DENND1A: variants seen among roughly 807,000 people sequenced by gnomAD.
The protein encoded by DENND1A is DENN domain-containing protein 1A.
In DENND1A, 51 loss-of-function variants were observed where a neutral mutation model predicts 113.7. The observed-to-expected ratio is 0.45, with a 90% CI of 0.36 to 0.57. The LOEUF (loss-of-function observed/expected upper bound fraction) is 0.57. Ranked by LOEUF, DENND1A falls within the 20% of genes least tolerant of loss-of-function variation. DENND1A has a pLI of 0.00. For synonymous variants in DENND1A, 565 were observed against 570.8 expected, an observed-to-expected ratio of 0.99 and a Z score of 0.14; for missense variants, 1,258 against 1,395.9, an observed-to-expected ratio of 0.90 and a Z score of 1.57.
chr9:123,620,952 C>A (rs1045152444), intron 10 of DENND1A, among the ~76,000 whole-genome samples: 1 of 152,170 alleles, frequency 6.6e-6, no homozygotes, highest in Admixed American at 6.5e-5. Flanking sequence ...CACCTATCTT[C>A]CTATGCCCAC....
At chr9:123,506,316 G>A (rs1430402199) in intron 13 of DENND1A, among the ~76,000 whole-genome samples, 1 of 152,158 alleles carries the variant, frequency 6.6e-6, no homozygotes, top group Non-Finnish European at 1.5e-5. Flanking sequence ...CCAGGCAGTG[G>A]CTCACGCCTG....
At position 123,381,488 on chromosome 9, in the gene DENND1A, C is replaced by T. The variant is rs1055858477; in HGVS notation, c.3157G>A (p.Ala1053Thr). 1 of 1,613,558 alleles carries T rather than the reference C, an allele frequency of 6.2e-7. No individual in the cohort carries two copies. The highest frequency in any genetic ancestry group is 8.5e-7 in the Non-Finnish European group (1 of 1,179,964). The change falls in exon 24 of 24, where the codon GCC becomes ACC. Residue 1053 changes from alanine to threonine, a missense_variant. Ala to Thr is a moderately conservative substitution (Grantham distance 58). Coordinates refer to ENST00000394215, the MANE Select transcript of DENND1A (RefSeq NM_001352964.2). This position sits in a 1 kb window ranked among gnomAD's most constrained non-coding sequence, Gnocchi z 4.7. ...TGCTCCACCGAGTCTGGGGCCGGGG[C>T]CAGGGCCGGACTCGGGCTCACGTCT... ...KQDVSPSPALAPAPDSVEQLR... is the reference protein window; with the variant it reads ...KQDVSPSPALTPAPDSVEQLR...
intron 5 of DENND1A, among the ~76,000 whole-genome samples, chr9:123,716,423 AG>A (rs1377931868): frequency 1.3e-5 from 2 of 152,134 alleles, no homozygotes; most frequent in Non-Finnish European, 2.9e-5. Flanking sequence ...AGGACGAAGG[AG>A]GGGGGAACCA....
In DENND1A at chr9:123,435,062, T is replaced by C. The variant is rs181265245; in HGVS notation, c.1488+5298A>G. The stretch of plus-strand genomic sequence containing the variant: ...TGGATGGCCAGCCTGTGTCATTCAC[T>C]GGGGTGGAAGATGGAGGAGTGAGTT... On this transcript the variant is annotated intron_variant, in intron 19 of 23. Transcript: ENST00000394215. 4.4e-3 allele frequency among the ~76,000 whole-genome samples: 671 copies of C among 152,158 alleles called. 3 individuals are homozygous for C. The highest frequency in any genetic ancestry group is 7.6e-3 in the Non-Finnish European group (519 of 67,986).
chr9:123,647,617 C>T (rs966999406), intron 9 of DENND1A, among the ~76,000 whole-genome samples: 6 of 152,136 alleles, frequency 3.9e-5, no homozygotes, highest in African/African-American at 9.7e-5. Context: ...AACAAGATAC[C>T]ATTTAGTTTT....
chr9:123,551,152 C>T (rs2057019978), intron 13 of DENND1A, among the ~76,000 whole-genome samples: 1 of 152,208 alleles, frequency 6.6e-6, no homozygotes, highest in African/African-American at 2.4e-5. Flanking sequence ...ATATCTTGGG[C>T]TTTGCATCTG....
chr9:123,842,837 CAATATATT>C (rs1319721034), intron 2 of DENND1A, among the ~76,000 whole-genome samples: 5 of 152,008 alleles, frequency 3.3e-5, no homozygotes, highest in Non-Finnish European at 7.4e-5. Flanking sequence ...CAAAAATACT[CAATATATT>C]AATACTAGCA....
At chr9:123,907,336 A>G (rs1013225846) in intron 1 of DENND1A, among the ~76,000 whole-genome samples, 2 of 151,294 alleles carry the variant, frequency 1.3e-5, no homozygotes, top group African/African-American at 4.9e-5. Context: ...CCTATTCAAC[A>G]TAGTGTTGGA....
intron 6 of DENND1A, among the ~76,000 whole-genome samples, chr9:123,672,580 G>A (rs971046778): frequency 6.6e-6 from 1 of 152,176 alleles, no homozygotes; most frequent in African/African-American, 2.4e-5. Flanking sequence ...AAATATCATT[G>A]TAACAGTATT....
At chr9:123,566,199 T>C (rs1017505989) in intron 12 of DENND1A, among the ~76,000 whole-genome samples, 15 of 152,264 alleles carry the variant, frequency 9.9e-5, no homozygotes, top group Admixed American at 9.8e-4. Flanking sequence ...TCCATGATAC[T>C]GGTTTATTTT....
chr9:123,725,554 T>C (rs972157350), intron 5 of DENND1A, among the ~76,000 whole-genome samples: 1 of 152,224 alleles, frequency 6.6e-6, no homozygotes, highest in Admixed American at 6.5e-5. Context: ...TAGGCTGTGG[T>C]ACACAGTTGC....
At chr9:123,470,223 G>A (rs550047756) in intron 13 of DENND1A, among the ~76,000 whole-genome samples, 3 of 152,214 alleles carry the variant, frequency 2.0e-5, no homozygotes, top group East Asian at 1.9e-4. Context: ...CAGCGGTGGC[G>A]CAAGGTGAGA....
At chr9:123,928,552 A>C in intron 1 of DENND1A, 1 of 985,288 alleles carries the variant, frequency 1.0e-6, no homozygotes, top group South Asian at 4.7e-5. Context: ...CACAAAAATA[A>C]AGATTTAACA....
chr9:123,786,899 T>C (rs1380964049), intron 3 of DENND1A, among the ~76,000 whole-genome samples: 3 of 151,856 alleles, frequency 2.0e-5, no homozygotes, highest in Non-Finnish European at 4.4e-5. Flanking sequence ...ACTGGAAGCA[T>C]GACAACACCC....
chr9:123,896,090 G>A (rs1466096523), intron 1 of DENND1A, among the ~76,000 whole-genome samples: 2 of 151,978 alleles, frequency 1.3e-5, no homozygotes, highest in Non-Finnish European at 2.9e-5. Flanking sequence ...CTGAGCCCAG[G>A]AATATGAGAC....
At chr9:123,500,479 T>TC (rs2052374411) in intron 13 of DENND1A, among the ~76,000 whole-genome samples, 2 of 152,298 alleles carry the variant, frequency 1.3e-5, no homozygotes, top group South Asian at 4.2e-4. Flanking sequence ...GTCAGGCATT[T>TC]CCCCCCTTCA....
At chr9:123,781,611 T>A (rs994525307) in intron 3 of DENND1A, among the ~76,000 whole-genome samples, 1 of 152,202 alleles carries the variant, frequency 6.6e-6, no homozygotes, top group African/African-American at 2.4e-5. Flanking sequence ...ATGGCTACTT[T>A]TCCTGCCAAT....
In DENND1A at chr9:123,403,294, C is replaced by A. The variant is rs1043145607; in HGVS notation, c.1631+108G>T. 5 of 1,096,230 alleles carry A rather than the reference C, an allele frequency of 4.6e-6. No homozygotes were observed. In the African/African-American group the frequency reaches 6.2e-5, roughly 14 times the overall value. The allele number at this position is 1,096,230 out of a possible 1,614,324, so 67.9% of individuals were successfully genotyped here. On this transcript the variant is annotated intron_variant, in intron 21 of 23. Transcript: ENST00000394215. ...CCCTTTGTGAAACACCCGCTGGGAG[C>A]CCCGGGGAAGCCTCACAAAGGCCGG...
intron 4 of DENND1A, among the ~76,000 whole-genome samples, chr9:123,766,417 T>G (rs924501928): frequency 2.6e-5 from 4 of 152,196 alleles, no homozygotes; most frequent in Non-Finnish European, 4.4e-5. Context: ...ATCCTGAACC[T>G]TCCTTTGCTC....
Sources: gnomAD v4.1 joint callset for allele counts (sites outside exome capture counted in the v4.1 genomes callset) on GRCh38, gnomAD v4.1.1 for gene constraint, Gnocchi (gnomAD v3.1) non-coding constraint, MANE v1.5 for transcripts, NCBI Gene and HGNC (gene_info 2026-07-23, HGNC 2026-07-21) for gene names.